Variants in CNTN3 observed in about 807,000 individuals in gnomAD.
CNTN3 encodes the protein contactin 3, also known as contactin-3.
A neutral mutation model predicts 119.1 loss-of-function variants in CNTN3; 60 were observed. That is an observed-to-expected ratio of 0.50 (90% CI 0.41 to 0.62). The LOEUF is 0.62. CNTN3 is among the 20% of genes least tolerant of loss of function. CNTN3 has a pLI of 0.00. For missense variants in CNTN3, 1,101 were observed against 1,242.4 expected (o/e 0.89, Z 1.71); for synonymous variants, 450 against 438.7 (o/e 1.03, Z -0.32).
At chr3:74,613,944 G>A (rs370790576) in intron 1 of CNTN3, among the ~76,000 whole-genome samples, 2 of 152,174 alleles carry the variant, frequency 1.3e-5, no homozygotes, top group Non-Finnish European at 2.9e-5. Flanking sequence ...TGAAAGAATC[G>A]GCCACCCTAG....
chr3:74,599,071 T>A (rs949762518), intron 1 of CNTN3, among the ~76,000 whole-genome samples: 1 of 152,084 alleles, frequency 6.6e-6, no homozygotes, highest in African/African-American at 2.4e-5. Context: ...ACTTAACACA[T>A]AATTAATCCA....
At chr3:74,573,554 G>T (rs1284116192) in intron 1 of CNTN3, among the ~76,000 whole-genome samples, 2 of 152,018 alleles carry the variant, frequency 1.3e-5, no homozygotes, top group African/African-American at 2.4e-5. Flanking sequence ...TCTGTTAAGG[G>T]TTTGGTACTC....
intron 1 of CNTN3, among the ~76,000 whole-genome samples, chr3:74,594,170 G>A (rs181197176): frequency 6.6e-6 from 1 of 151,156 alleles, no homozygotes; most frequent in East Asian, 2.0e-4. Flanking sequence ...GTGTGGTCTT[G>A]TTAGGCTCTA....
chr3:74,329,046 CAT>C (rs1040005170), intron 13 of CNTN3, among the ~76,000 whole-genome samples: 1 of 152,172 alleles, frequency 6.6e-6, no homozygotes, highest in Non-Finnish European at 1.5e-5. Context: ...AAATTGTTTA[CAT>C]AGTTATAAAG....
intron 1 of CNTN3, among the ~76,000 whole-genome samples, chr3:74,527,548 T>C (rs1703637414): frequency 6.6e-6 from 1 of 151,908 alleles, no homozygotes; most frequent in African/African-American, 2.4e-5. Flanking sequence ...AGAAAAAAAT[T>C]ACAAAGCTGT....
At chr3:74,551,307 C>G (rs1703986497) in intron 1 of CNTN3, among the ~76,000 whole-genome samples, 1 of 152,122 alleles carries the variant, frequency 6.6e-6, no homozygotes, top group Admixed American at 6.5e-5. Flanking sequence ...TATAGGGTCA[C>G]TTTTTATTAA....
chr3:74,492,824 G>A (rs1160762594), intron 3 of CNTN3, among the ~76,000 whole-genome samples: 1 of 151,998 alleles, frequency 6.6e-6, no homozygotes, highest in Non-Finnish European at 1.5e-5. Flanking sequence ...AGTTAAATCA[G>A]TAAAAAAGCC....
Position 74,438,827 on chromosome 3 carries a change from C to T in CNTN3, c.359-13887G>A, listed in dbSNP as rs1456248519. Among the ~76,000 whole-genome samples, 3 of 152,110 alleles carry T rather than the reference C, an allele frequency of 2.0e-5. No homozygotes were observed. The East Asian group carries it at 5.8e-4, about 29-fold the overall frequency. On this transcript the variant is annotated intron_variant, in intron 4 of 22. Transcript: ENST00000263665. ...TTTTTGCAATGCACATAAGATGGTA[C>T]AAGTTGACTTCTATCAATTATAGCA...
Position 74,361,854 on chromosome 3 carries a change from G to T in CNTN3, c.1364+36C>A, listed in dbSNP as rs78569061. ...TTGACATCAGTATGGAAAGTGAGAG[G>T]AAAGTAAATGACCACTTTTCTGGAC... On this transcript the variant is annotated intron_variant, in intron 11 of 22. Transcript: ENST00000263665. 1,542 of 1,567,446 alleles carry T rather than the reference G, an allele frequency of 9.8e-4. 12 individuals are homozygous for T. The African/African-American group carries it at 0.018, about 19-fold the overall frequency.
At chr3:74,610,082 G>A (rs1243710794) in intron 1 of CNTN3, among the ~76,000 whole-genome samples, 1 of 152,106 alleles carries the variant, frequency 6.6e-6, no homozygotes, top group East Asian at 1.9e-4. Flanking sequence ...CAGCACTTTG[G>A]GAGGTCGAGG....
At chr3:74,493,130 TTAGG>T (rs1702998706) in intron 3 of CNTN3, among the ~76,000 whole-genome samples, 1 of 152,112 alleles carries the variant, frequency 6.6e-6, no homozygotes, top group Non-Finnish European at 1.5e-5. Flanking sequence ...ATTTAACATA[TTAGG>T]TATTATCAGA....
At chr3:74,596,559 C>T (rs1192188309) in intron 1 of CNTN3, among the ~76,000 whole-genome samples, 2 of 152,044 alleles carry the variant, frequency 1.3e-5, no homozygotes, top group Non-Finnish European at 2.9e-5. Context: ...TGATCTTTGA[C>T]AAACCTGAGA....
intron 3 of CNTN3, among the ~76,000 whole-genome samples, chr3:74,497,897 A>G (rs1204615631): frequency 1.3e-5 from 2 of 151,862 alleles, no homozygotes; most frequent in Non-Finnish European, 2.9e-5. Flanking sequence ...TGGCATTACA[A>G]TAGGCACCTG....
intron 5 of CNTN3, among the ~76,000 whole-genome samples, chr3:74,402,118 C>A (rs1186284669): frequency 6.6e-6 from 1 of 152,126 alleles, no homozygotes; most frequent in African/African-American, 2.4e-5. Context: ...GGGTAGAATG[C>A]AAAAACTGCA....
At chr3:74,529,053 C>G (rs924549601) in intron 1 of CNTN3, among the ~76,000 whole-genome samples, 19 of 151,740 alleles carry the variant, frequency 1.3e-4, no homozygotes, top group African/African-American at 3.4e-4. Flanking sequence ...ATATATACAG[C>G]ACATATATTT....
At chr3:74,289,137 C>A (rs1017681313) in intron 19 of CNTN3, among the ~76,000 whole-genome samples, 3 of 152,150 alleles carry the variant, frequency 2.0e-5, no homozygotes, top group African/African-American at 7.2e-5. Flanking sequence ...TCCTTCTCCC[C>A]CAACCAAGGT....
intron 2 of CNTN3, among the ~76,000 whole-genome samples, chr3:74,516,200 T>C (rs569077539): frequency 1.3e-5 from 2 of 151,442 alleles, no homozygotes; most frequent in Non-Finnish European, 2.9e-5. Context: ...ATCTACAACA[T>C]GGGCAGGCCT....
At chr3:74,358,050 C>T (rs1559561931) in intron 11 of CNTN3, among the ~76,000 whole-genome samples, 1 of 152,148 alleles carries the variant, frequency 6.6e-6, no homozygotes, top group Non-Finnish European at 1.5e-5. Flanking sequence ...TCTGATTTCC[C>T]GTGGACTTGG....
At chr3:74,578,237 T>C (rs1704449250) in intron 1 of CNTN3, among the ~76,000 whole-genome samples, 1 of 151,984 alleles carries the variant, frequency 6.6e-6, no homozygotes. Context: ...GCTGAAACTA[T>C]ACCAATACTA....
Sources: gnomAD v4.1 joint callset for allele counts (sites outside exome capture counted in the v4.1 genomes callset) on GRCh38, gnomAD v4.1.1 for gene constraint, MANE v1.5 for transcripts, NCBI Gene and HGNC (gene_info 2026-07-23, HGNC 2026-07-21) for gene names.